The following CNTNAP2 variants were observed in gnomAD, a reference collection of about 807,000 sequenced individuals.
CNTNAP2 encodes the protein contactin associated protein 2.
Under a neutral mutation model 155.2 loss-of-function variants are expected in CNTNAP2, and 98 were observed. The ratio of observed to expected loss-of-function variants is 0.63; its 90% CI spans 0.54 to 0.75. The LOEUF is 0.75. Ranked by LOEUF, CNTNAP2 falls within the 30% of genes least tolerant of loss-of-function variation. The pLI is 0.00. For synonymous variants in CNTNAP2, 651 were observed against 631.2 expected (o/e 1.03, Z -0.47); for missense variants, 1,727 against 1,688.1 (o/e 1.02, Z -0.40).
chr7:146,721,890 T>TATATATATATATATATATATATATA (rs1491454260), intron 1 of CNTNAP2, among the ~76,000 whole-genome samples: 4 of 75,592 alleles, frequency 5.3e-5, no homozygotes, highest in African/African-American at 1.8e-4. Context: ...TATATATATA[T>TATATATATATATATATATATATATA]TTTTTTTTTT....
intron 15 of CNTNAP2, among the ~76,000 whole-genome samples, chr7:148,024,112 C>T (rs758667605): frequency 1.0e-4 from 14 of 139,438 alleles, no homozygotes; most frequent in Admixed American, 2.3e-4. Context: ...CTACTACACA[C>T]TTCTTGCACT....
intron 1 of CNTNAP2, among the ~76,000 whole-genome samples, chr7:146,210,428 T>C (rs1799016060): frequency 1.3e-5 from 2 of 152,118 alleles, no homozygotes; most frequent in Non-Finnish European, 2.9e-5. Context: ...CTCAGCTTCC[T>C]GAGCAGCTGG....
At chr7:146,847,333 T>C (rs1476880644) in intron 3 of CNTNAP2, among the ~76,000 whole-genome samples, 1 of 152,134 alleles carries the variant, frequency 6.6e-6, no homozygotes, top group African/African-American at 2.4e-5. Context: ...AATTCTATGT[T>C]ACACTCTGGA....
rs115853944 is a variant in CNTNAP2, at chr7:147,796,813, C to A, written c.2099-106752C>A. ...AAAGCTTCGTGCTGATGCCCTCCTG[C>A]AGCACATTTCCTTAACATCTTTAAA... On this transcript the variant is annotated intron_variant, in intron 13 of 23. Transcript: ENST00000361727. Among the ~76,000 whole-genome samples the A allele has an allele frequency of 8.1e-3, 1,239 of 152,246 alleles. 16 individuals are homozygous for A. Among genetic ancestry groups the A allele is most frequent in the African/African-American group, 0.028 (1,170 of 41,548 alleles).
chr7:146,816,591 A>T (rs1173090395), intron 2 of CNTNAP2, among the ~76,000 whole-genome samples: 5 of 152,198 alleles, frequency 3.3e-5, no homozygotes, highest in Non-Finnish European at 5.9e-5. Flanking sequence ...ACCACTAAAG[A>T]TGTTAACCTA....
rs531279962 is a variant in CNTNAP2 at position 146,189,113 on chromosome 7, C to G, written c.97+72140C>G. 5.3e-5 allele frequency among the ~76,000 whole-genome samples: 8 copies of G among 152,164 alleles called. No individual in the cohort carries two copies. In the South Asian group the frequency reaches 1.7e-3, roughly 32 times the overall value. The stretch of plus-strand genomic sequence containing the variant: ...CTATTTGTAATCATAAAGTAAAAAT[C>G]AAAGAATGAGAAATGCTTCAATTTT... On this transcript the variant is annotated intron_variant, in intron 1 of 23. Coordinates refer to ENST00000361727, the MANE Select transcript of CNTNAP2 (RefSeq NM_014141.6).
intron 21 of CNTNAP2, among the ~76,000 whole-genome samples, chr7:148,322,154 C>T (rs540449457): frequency 6.6e-6 from 1 of 152,242 alleles, no homozygotes; most frequent in East Asian, 1.9e-4. Flanking sequence ...AACTCCTAAC[C>T]TCAGGGGATC....
chr7:147,501,989 T>C (rs1798822487), intron 11 of CNTNAP2, among the ~76,000 whole-genome samples: 1 of 152,126 alleles, frequency 6.6e-6, no homozygotes, highest in Non-Finnish European at 1.5e-5. Context: ...AAGCATAAAT[T>C]ACTTAGGCAT....
chr7:147,530,497 G>T (rs1453608225), intron 11 of CNTNAP2, among the ~76,000 whole-genome samples: 5 of 152,030 alleles, frequency 3.3e-5, no homozygotes, highest in African/African-American at 1.2e-4. Context: ...TTCTTACATG[G>T]CAGTGGCAAG....
intron 21 of CNTNAP2, among the ~76,000 whole-genome samples, chr7:148,324,530 G>T (rs377628115): frequency 6.6e-6 from 1 of 152,152 alleles, no homozygotes; most frequent in Non-Finnish European, 1.5e-5. Context: ...GGGCGCAGCG[G>T]CTCATGCCTG....
chr7:147,659,208 A>G (rs1795576920), intron 13 of CNTNAP2, among the ~76,000 whole-genome samples: 1 of 152,200 alleles, frequency 6.6e-6, no homozygotes, highest in African/African-American at 2.4e-5. Context: ...TCTCATTTCT[A>G]AGAAGGGGAA....
chr7:147,184,936 G>A (rs1488806340), intron 8 of CNTNAP2, among the ~76,000 whole-genome samples: 1 of 152,064 alleles, frequency 6.6e-6, no homozygotes, highest in Non-Finnish European at 1.5e-5. Context: ...TGGTACTATT[G>A]GGAAAACGTT....
At chr7:147,561,544 C>T (rs1353607407) in intron 11 of CNTNAP2, among the ~76,000 whole-genome samples, 15 of 152,156 alleles carry the variant, frequency 9.9e-5, no homozygotes. Context: ...CAGCCGTCTA[C>T]ACAAACTAGA....
At chr7:146,339,774 A>T (rs1020228582) in intron 1 of CNTNAP2, among the ~76,000 whole-genome samples, 9 of 152,172 alleles carry the variant, frequency 5.9e-5, no homozygotes, top group African/African-American at 2.2e-4. Context: ...TAGAACCAGT[A>T]ACAGGGGATT....
At chr7:146,186,842 T>C (rs1798631380) in intron 1 of CNTNAP2, among the ~76,000 whole-genome samples, 1 of 152,144 alleles carries the variant, frequency 6.6e-6, no homozygotes, top group Non-Finnish European at 1.5e-5. Context: ...TTTCATGTGG[T>C]TCATTTTCAT....
Position 147,049,140 on chromosome 7 carries a change from T to C in CNTNAP2, c.550+5086T>C, listed in dbSNP as rs77481059. Among the ~76,000 whole-genome samples the C allele has an allele frequency of 2.4e-3, 361 of 152,340 alleles. 3 individuals carry two copies. Among genetic ancestry groups the C allele is most frequent in the African/African-American group, 8.4e-3 (351 of 41,580 alleles). On this transcript the variant is annotated intron_variant, in intron 4 of 23. Coordinates refer to ENST00000361727, the MANE Select transcript of CNTNAP2 (RefSeq NM_014141.6). ...AAACAGAGCCCTCGTGACCTACTCA[T>C]GTCTTAAAAGTCCCACCTCTCAACA...
intron 12 of CNTNAP2, among the ~76,000 whole-genome samples, chr7:147,575,437 G>A (rs868605238): frequency 2.0e-5 from 3 of 147,658 alleles, no homozygotes; most frequent in African/African-American, 7.5e-5. Context: ...ATGTGTGTGT[G>A]TGAGTGTGTG....
chr7:147,127,683 T>A (rs572746326), intron 6 of CNTNAP2, among the ~76,000 whole-genome samples: 1 of 152,320 alleles, frequency 6.6e-6, no homozygotes, highest in African/African-American at 2.4e-5. Context: ...TGATAGGATA[T>A]TAGGCTGTCA....
intron 20 of CNTNAP2, among the ~76,000 whole-genome samples, chr7:148,259,562 C>T (rs578251173): frequency 2.0e-5 from 3 of 152,240 alleles, no homozygotes; most frequent in South Asian, 2.1e-4. Flanking sequence ...ATGGAAAAAG[C>T]GGGATCTGCC....
Sources: allele counts gnomAD v4.1 joint callset (sites outside exome capture counted in the v4.1 genomes callset), GRCh38; gene constraint gnomAD v4.1.1; transcripts MANE v1.5; gene names NCBI Gene and HGNC (gene_info 2026-07-23, HGNC 2026-07-21).